Variants in RABEP1 observed in about 807,000 individuals in gnomAD.
RABEP1 encodes the protein rabaptin, RAB GTPase binding effector protein 1, also known as rab GTPase-binding effector protein 1.
A neutral mutation model predicts 123.4 loss-of-function variants in RABEP1; 51 were observed. That is an observed-to-expected ratio of 0.41 (90% CI 0.33 to 0.52). RABEP1 has a LOEUF of 0.52. Ranked by LOEUF, RABEP1 falls within the 20% of genes least tolerant of loss-of-function variation. The pLI, the probability that RABEP1 is intolerant of heterozygous loss-of-function variation, is 0.16. For synonymous variants in RABEP1, 347 were observed against 355.2 expected (o/e 0.98, Z 0.26); for missense variants, 888 against 996.3 (o/e 0.89, Z 1.46).
chr17:5,352,249 G>A (rs1260471521), intron 7 of RABEP1, among the ~76,000 whole-genome samples: 6 of 151,496 alleles, frequency 4.0e-5, no homozygotes, highest in Admixed American at 3.9e-4. Context: ...CTGGAGCACA[G>A]TGGCACAATC....
At chr17:5,323,854 C>T (rs374455371) in intron 2 of RABEP1, among the ~76,000 whole-genome samples, 1 of 104,210 alleles carries the variant, frequency 9.6e-6, no homozygotes, top group Non-Finnish European at 1.9e-5. Flanking sequence ...ATATATATAT[C>T]TAGGAATATA....
chr17:5,383,869 G>GAAAACTTGGCTGGGGCTATATATACT lies in RABEP1; in HGVS notation c.*647_*672dup, dbSNP rs1202987380. ...TGAAGTGAATTAATGATGAGGATCTGAAAACTTGGCTGGGGCTATATATAC... is the reference window on the plus strand; with the variant it reads ...TGAAGTGAATTAATGATGAGGATCTGAAAACTTGGCTGGGGCTATATATACTAAAACTTGGCTGGGGCTATATATAC... On this transcript the variant is annotated 3_prime_UTR_variant, in exon 18 of 18. Transcript: ENST00000537505. 8.9e-6 allele frequency: 2 copies of GAAAACTTGGCTGGGGCTATATATACT among 223,606 alleles called. No homozygotes were observed. The highest frequency in any genetic ancestry group is 1.3e-4 in the East Asian group (2 of 15,264). The allele number at this position is 223,606 out of a possible 1,614,324, so 13.9% of individuals were successfully genotyped here.
rs113220835 is a variant in RABEP1 at position 5,332,598 on chromosome 17, T to A, written c.367+446T>A. On this transcript the variant is annotated intron_variant, in intron 3 of 17. Coordinates refer to ENST00000537505, the MANE Select transcript of RABEP1 (RefSeq NM_004703.6). The stretch of plus-strand genomic sequence containing the variant: ...GTAGTTTGGCCATACGTTTTAGAAT[T>A]TTTTTTTTTTTTTTTTTTTGAGATG... Among the ~76,000 whole-genome samples the A allele has an allele frequency of 3.5e-3, 304 of 87,446 alleles. 5 individuals are homozygous for A. The highest frequency in any genetic ancestry group is 0.011 in the African/African-American group (206 of 17,928). 57.4% of individuals were successfully genotyped at this position (87,446 alleles called of 152,430 possible). A position where few individuals can be genotyped will look rare whatever the true frequency, so the allele number is the denominator to read the frequency against.
chr17:5,361,896 A>C (rs2144677407), intron 9 of RABEP1: 2 of 513,688 alleles, frequency 3.9e-6, no homozygotes, highest in Non-Finnish European at 6.9e-6. Context: ...ATCACAGTGA[A>C]TGTGAACCTC....
At chr17:5,295,482 A>G (rs2075074412) in intron 1 of RABEP1, among the ~76,000 whole-genome samples, 1 of 147,296 alleles carries the variant, frequency 6.8e-6, no homozygotes, top group Non-Finnish European at 1.5e-5. Context: ...CTTAGTAAGT[A>G]TTGTTTTTAT....
At chr17:5,375,134 TAGTA>T (rs945312534) in intron 13 of RABEP1, among the ~76,000 whole-genome samples, 165 of 152,010 alleles carry the variant, frequency 1.1e-3, no homozygotes, top group Non-Finnish European at 1.8e-3. Context: ...AAGGAAATCT[TAGTA>T]AGTAGAAGTT....
chr17:5,328,001 T>C lies in RABEP1; in HGVS notation c.164-3948T>C, dbSNP rs151201001. On this transcript the variant is annotated intron_variant, in intron 2 of 17. Transcript: ENST00000537505. The stretch of plus-strand genomic sequence containing the variant: ...TCACACCTGATACCTGTGAACATAA[T>C]ATATGATATATTGAGACTGTGATAT... 5.3e-4 allele frequency among the ~76,000 whole-genome samples: 81 copies of C among 152,328 alleles called. No individual in the cohort carries two copies. The East Asian group carries it at 0.014, about 27-fold the overall frequency.
intron 2 of RABEP1, among the ~76,000 whole-genome samples, chr17:5,329,412 TC>T (rs1439690294): frequency 1.3e-5 from 2 of 152,180 alleles, no homozygotes; most frequent in Non-Finnish European, 2.9e-5. Flanking sequence ...GCGCCTGTAA[TC>T]CCAGCTACTT....
chr17:5,326,760 T>C (rs1365202556), intron 2 of RABEP1, among the ~76,000 whole-genome samples: 1 of 152,068 alleles, frequency 6.6e-6, no homozygotes, highest in Admixed American at 6.6e-5. Context: ...AACCTCTGTA[T>C]TTTCTGCTCA....
In RABEP1 at chr17:5,373,410, T is replaced by C. The variant is rs1388645967; in HGVS notation, c.1981T>C (p.Ser661Pro). 2 of 1,612,852 alleles carry C rather than the reference T, an allele frequency of 1.2e-6. No individual in the cohort carries two copies. The highest frequency in any genetic ancestry group is 1.7e-6 in the Non-Finnish European group (2 of 1,179,782). The change falls in exon 13 of 18, where the codon TCA becomes CCA. Residue 661 changes from serine to proline, a missense_variant. Coordinates refer to ENST00000537505, the MANE Select transcript of RABEP1 (RefSeq NM_004703.6). The part of the protein sequence containing the change: ...SLQGKHSLHV[S>P]LQQAEDFILP... The stretch of plus-strand genomic sequence containing the variant: ...CCAGGGAAAGCACAGCCTGCATGTG[T>C]CATTACAGCAAGCAGAAGACTTCAT...
chr17:5,377,168 C>T lies in RABEP1; in HGVS notation c.2078C>T (p.Thr693Ile). ...CGTGAGGACATCATTAATGTGCGGA[C>T]AGCAGCAGACCACGTAGAAGAAAAG... ...KYREDIINVRTAADHVEEKLK... is the reference protein window; with the variant it reads ...KYREDIINVRIAADHVEEKLK... The change falls in exon 14 of 18, where the codon ACA (threonine) becomes ATA (isoleucine). Residue 693 changes from threonine (T) to isoleucine (I), a missense_variant. By Grantham distance (89) the Thr-to-Ile change is moderately conservative. Transcript: ENST00000537505. 1.2e-6 allele frequency: 2 copies of T among 1,611,948 alleles called. No individual in the cohort carries two copies. Among genetic ancestry groups the T allele is most frequent in the Non-Finnish European group, 1.7e-6 (2 of 1,179,520 alleles).
chr17:5,340,306 A>G (rs982505814), intron 5 of RABEP1, among the ~76,000 whole-genome samples: 2 of 152,170 alleles, frequency 1.3e-5, no homozygotes, highest in Non-Finnish European at 2.9e-5. Context: ...GATTTTCTCA[A>G]CTGTGAAATG....
intron 1 of RABEP1, 118 bp downstream of exon 1, chr17:5,282,638 C>T: frequency 1.5e-6 from 1 of 668,732 alleles, no homozygotes; most frequent in Non-Finnish European, 1.9e-6. Context: ...GGGGTGACCC[C>T]GCCGGGCGGA....
At chr17:5,377,040 G>A (rs1414835514) in intron 13 of RABEP1, 76 bp from the exon 14 acceptor site, 1 of 1,422,336 alleles carries the variant, frequency 7.0e-7, no homozygotes, top group Non-Finnish European at 9.6e-7. Flanking sequence ...CTGAGATTCT[G>A]GTTACAGAAA....
chr17:5,345,167 A>G (rs912473231), intron 5 of RABEP1, among the ~76,000 whole-genome samples: 6 of 151,668 alleles, frequency 4.0e-5, no homozygotes, highest in African/African-American at 1.2e-4. Flanking sequence ...TTCACCGACT[A>G]CTGGTGTATG....
intron 1 of RABEP1, among the ~76,000 whole-genome samples, chr17:5,305,117 T>G (rs1222137454): frequency 2.6e-5 from 4 of 152,236 alleles, no homozygotes; most frequent in African/African-American, 7.2e-5. Context: ...TGGTTGCTAA[T>G]GCATTAGGAT....
At chr17:5,298,656 AT>A (rs11355508) in intron 1 of RABEP1, among the ~76,000 whole-genome samples, 71,272 of 128,534 alleles carry the variant, frequency 0.55, 19,542 homozygotes, top group East Asian at 0.9. Flanking sequence ...CTCCTCCAGG[AT>A]TTTTTTTTTT....
At chr17:5,371,352 A>G (rs1910518972) in intron 12 of RABEP1, 1 of 152,256 alleles carries the variant, frequency 6.6e-6, no homozygotes, top group African/African-American at 2.4e-5. Flanking sequence ...AATCAAAAGT[A>G]TAAAAATAAA....
At chr17:5,375,507 C>T (rs1223747970) in intron 13 of RABEP1, among the ~76,000 whole-genome samples, 1 of 152,080 alleles carries the variant, frequency 6.6e-6, no homozygotes, top group Non-Finnish European at 1.5e-5. Context: ...GCCTGGACAA[C>T]ATGGCAAAAC....
Sources: gnomAD v4.1 joint callset for allele counts (sites outside exome capture counted in the v4.1 genomes callset) on GRCh38, gnomAD v4.1.1 for gene constraint, MANE v1.5 for transcripts, NCBI Gene and HGNC (gene_info 2026-07-23, HGNC 2026-07-21) for gene names.